The following MED4 variants were observed in gnomAD, a reference collection of about 807,000 sequenced individuals.
The protein encoded by MED4 is mediator of RNA polymerase II transcription subunit 4.
Under a neutral mutation model 35.0 loss-of-function variants are expected in MED4, and 21 were observed. The ratio of observed to expected loss-of-function variants is 0.60; its 90% CI spans 0.43 to 0.86. MED4 has a LOEUF of 0.86. Ranked by LOEUF, MED4 falls within the 40% of genes least tolerant of loss-of-function variation. MED4 has a pLI of 0.00. For synonymous variants in MED4, 138 were observed against 114.0 expected, an observed-to-expected ratio of 1.21 and a Z score of -1.34; for missense variants, 300 against 319.4, an observed-to-expected ratio of 0.94 and a Z score of 0.46.
chr13:48,093,561 CAT>C (rs140099695), intron 1 of MED4: 20,384 of 469,966 alleles, frequency 0.043, 528 homozygotes, highest in Non-Finnish European at 0.052. Context: ...TGAGTGAACA[CAT>C]GAGACCTTTC....
chr13:48,082,411 T>G (rs917438093), intron 4 of MED4, among the ~76,000 whole-genome samples: 4 of 152,212 alleles, frequency 2.6e-5, no homozygotes, highest in African/African-American at 9.6e-5. Context: ...AGTGTATGTG[T>G]GTACAGTTTT....
In MED4 at chr13:48,076,536, T is replaced by C. The variant is rs562059028; in HGVS notation, c.*603A>G. On this transcript the variant is annotated 3_prime_UTR_variant, in exon 7 of 7. Transcript: ENST00000258648. Reference sequence around the variant, plus strand: ...TGCAACTGGATTTACAGAAATAATTTCCTACCTACACTGACAGTATATTTA... The same window carrying C: ...TGCAACTGGATTTACAGAAATAATTCCCTACCTACACTGACAGTATATTTA... 3.9e-5 allele frequency: 6 copies of C among 152,120 alleles called. No individual in the cohort carries two copies. In the East Asian group the frequency reaches 9.6e-4, roughly 24 times the overall value. The allele number at this position is 152,120 out of a possible 1,614,324, so 9.4% of individuals were successfully genotyped here. A position where few individuals can be genotyped will look rare whatever the true frequency, so the allele number is the denominator to read the frequency against.
chr13:48,077,996 TA>T (rs1309955349), intron 6 of MED4, among the ~76,000 whole-genome samples: 2 of 152,170 alleles, frequency 1.3e-5, no homozygotes, highest in Non-Finnish European at 2.9e-5. Flanking sequence ...ACTTTAGTAT[TA>T]TAATAGATTT....
intron 1 of MED4, among the ~76,000 whole-genome samples, chr13:48,091,091 CATATGTTT>C (rs1950886874): frequency 6.6e-6 from 1 of 152,110 alleles, no homozygotes; most frequent in Non-Finnish European, 1.5e-5. Context: ...AGTGAATGAA[CATATGTTT>C]ATATATTTTA....
At chr13:48,091,505 T>C (rs1224971266) in intron 1 of MED4, among the ~76,000 whole-genome samples, 1 of 152,216 alleles carries the variant, frequency 6.6e-6, no homozygotes, top group Non-Finnish European at 1.5e-5. Flanking sequence ...GCTAGCATCA[T>C]ATCATTTTTC....
At chr13:48,080,019 A>C in intron 5 of MED4, 44 bp from the exon 6 acceptor site, 1 of 1,588,976 alleles carries the variant, frequency 6.3e-7, no homozygotes, top group Non-Finnish European at 8.6e-7. Context: ...TATTTTAAAA[A>C]ATAAGTGTTA....
intron 2 of MED4, among the ~76,000 whole-genome samples, chr13:48,088,995 C>T (rs1465094722): frequency 6.6e-6 from 1 of 152,168 alleles, no homozygotes; most frequent in Admixed American, 6.5e-5. Flanking sequence ...TCTTAATTAT[C>T]ACCTTCTGAA....
chr13:48,077,304 A>T lies in MED4; in HGVS notation c.648T>A (p.Leu216=). Residue 216 remains leucine, a synonymous_variant, in exon 7 of 7, where the codon CTT becomes CTA. Transcript: ENST00000258648. ...ALAAGRLPDV[L]APQYPWQSND... is the part of the protein sequence containing the mutation. ...TTGACTGCCATGGATACTGTGGAGC[A>T]AGGACATCTGGAGAAAAAAAGAAGC... 1 of 1,484,850 alleles carries T rather than the reference A, an allele frequency of 6.7e-7. No homozygotes were observed. The highest frequency in any genetic ancestry group is 1.4e-5 in the South Asian group (1 of 70,400). The allele number at this position is 1,484,850 out of a possible 1,614,324, so 92.0% of individuals were successfully genotyped here. A position where few individuals can be genotyped will look rare whatever the true frequency, so the allele number is the denominator to read the frequency against.
At chr13:48,087,618 G>A (rs1396598198) in intron 2 of MED4, among the ~76,000 whole-genome samples, 5 of 152,194 alleles carry the variant, frequency 3.3e-5, no homozygotes, top group African/African-American at 9.6e-5. Context: ...TTGGGAGGCC[G>A]AGGTAGGCGG....
chr13:48,087,216 T>C (rs1950854787), intron 2 of MED4, among the ~76,000 whole-genome samples: 1 of 151,292 alleles, frequency 6.6e-6, no homozygotes, highest in Admixed American at 6.6e-5. Flanking sequence ...AAATACAAAA[T>C]TAGCTGGGCG....
chr13:48,087,772 C>T (rs1014340064), intron 2 of MED4, among the ~76,000 whole-genome samples: 4 of 152,042 alleles, frequency 2.6e-5, no homozygotes, highest in African/African-American at 9.7e-5. Flanking sequence ...ATTGCTTGAA[C>T]CCAGGAGGCG....
chr13:48,084,547 T>C (rs1170074830), intron 3 of MED4, among the ~76,000 whole-genome samples: 1 of 152,206 alleles, frequency 6.6e-6, no homozygotes, highest in Non-Finnish European at 1.5e-5. Flanking sequence ...TTTAATTATT[T>C]ATAACACAAA....
intron 4 of MED4, among the ~76,000 whole-genome samples, chr13:48,083,089 C>T (rs1252080213): frequency 1.3e-5 from 2 of 152,224 alleles, no homozygotes; most frequent in Admixed American, 1.3e-4. Context: ...TTCTCTTTCC[C>T]TCTCCCACCA....
At chr13:48,078,160 G>T (rs2137826379) in intron 6 of MED4, among the ~76,000 whole-genome samples, 1 of 152,230 alleles carries the variant, frequency 6.6e-6, no homozygotes, top group African/African-American at 2.4e-5. Flanking sequence ...CACATAAACA[G>T]GTATAGTTCA....
intron 3 of MED4, 28 bp from the exon 4 acceptor site, chr13:48,083,456 G>C (rs1950825485): frequency 9.4e-6 from 15 of 1,597,778 alleles, no homozygotes; most frequent in Non-Finnish European, 1.3e-5. Flanking sequence ...TAAAAAACGT[G>C]GTTTATTCTT....
chr13:48,089,903 CT>C (rs1459514077), intron 2 of MED4, among the ~76,000 whole-genome samples: 1 of 152,332 alleles, frequency 6.6e-6, no homozygotes, highest in East Asian at 1.9e-4. Flanking sequence ...ACTTTCACCC[CT>C]ATAAGGCAAT....
At position 48,086,546 on chromosome 13, in the gene MED4, T is replaced by C. The variant is rs908334746; in HGVS notation, c.193-94A>G. On this transcript the variant is annotated intron_variant, in intron 2 of 6. Transcript: ENST00000258648. Reference sequence around the variant, plus strand: ...ATCCGTAACTGAATTGGCTAGGCTATAAATTTCAACACCTTCAAAATTTTA... The same window carrying C: ...ATCCGTAACTGAATTGGCTAGGCTACAAATTTCAACACCTTCAAAATTTTA... The C allele has an allele frequency of 3.4e-5, 39 of 1,144,964 alleles. No homozygotes were observed. The Middle Eastern group carries it at 6.6e-4, about 19-fold the overall frequency. The allele number at this position is 1,144,964 out of a possible 1,614,324, so 70.9% of individuals were successfully genotyped here.
intron 1 of MED4, among the ~76,000 whole-genome samples, chr13:48,090,682 G>C (rs1950883984): frequency 6.6e-6 from 1 of 152,176 alleles, no homozygotes; most frequent in Non-Finnish European, 1.5e-5. Context: ...ACTCTACAGA[G>C]GCTTGCAAAG....
chr13:48,086,546 TAAATTTCAACACCTTCA>T, intron 2 of MED4, 94 bp from the exon 3 acceptor site: 1 of 1,145,082 alleles, frequency 8.7e-7, no homozygotes, highest in Middle Eastern at 2.2e-4. Flanking sequence ...GGCTAGGCTA[TAAATTTCAACACCTTCA>T]AAATTTTATT....
Sources: gnomAD v4.1 joint callset for allele counts (sites outside exome capture counted in the v4.1 genomes callset) on GRCh38, gnomAD v4.1.1 for gene constraint, MANE v1.5 for transcripts, NCBI Gene and HGNC (gene_info 2026-07-23, HGNC 2026-07-21) for gene names.